Variants in CAPN13 observed in about 807,000 individuals in gnomAD.
The protein encoded by CAPN13 is calpain 13, also known as calpain-13.
CAPN13 carries 90 observed loss-of-function variants against 98.4 expected under a neutral mutation model. That is an observed-to-expected ratio of 0.92 (90% CI 0.77 to 1.09). CAPN13 has a LOEUF of 1.09. Among genes scored for constraint, CAPN13 ranks in the 50% least tolerant of loss-of-function variants. The pLI is 0.00. For missense variants in CAPN13, 887 were observed against 841.3 expected (o/e 1.05, Z -0.67); for synonymous variants, 330 against 305.5 (o/e 1.08, Z -0.84).
At chr2:30,745,876 T>C in intron 11 of CAPN13, 142 bp from the exon 12 acceptor site, 3 of 631,074 alleles carry the variant, frequency 4.8e-6, no homozygotes, top group Non-Finnish European at 8.0e-6. Context: ...TTATTTTATA[T>C]CTGTTATGCC....
rs1558351575 is a variant in CAPN13 at position 30,800,141 on chromosome 2, A to AAAGAAAGAAAGAAAGAAAGAAAGAAAGT, written c.-33+7160_-33+7161insACTTTCTTTCTTTCTTTCTTTCTTTCTT. Among the ~76,000 whole-genome samples the AAAGAAAGAAAGAAAGAAAGAAAGAAAGT allele has an allele frequency of 1.3e-4, 19 of 146,424 alleles. 1 individual carries two copies. Among genetic ancestry groups the AAAGAAAGAAAGAAAGAAAGAAAGAAAGT allele is most frequent in the African/African-American group, 5.1e-4 (19 of 37,622 alleles). ...AAAAGAAAGAAAGAAAGAAAGAAAG[A>AAAGAAAGAAAGAAAGAAAGAAAGAAAGT]AAGAAAGAAAGAAAGAAAGAAAGAA... On this transcript the variant is annotated intron_variant, in intron 1 of 22. Coordinates refer to ENST00000295055, the MANE Select transcript of CAPN13 (RefSeq NM_144575.3).
intron 1 of CAPN13, among the ~76,000 whole-genome samples, chr2:30,802,133 T>A (rs1224807636): frequency 6.6e-6 from 1 of 151,974 alleles, no homozygotes; most frequent in Non-Finnish European, 1.5e-5. Flanking sequence ...CAGAGGCGAG[T>A]AGGCTGAGCC....
chr2:30,752,021 G>C (rs533695519), intron 10 of CAPN13, among the ~76,000 whole-genome samples: 2 of 152,346 alleles, frequency 1.3e-5, no homozygotes, highest in Admixed American at 1.3e-4. Context: ...AGGGGAGAGG[G>C]CCTTGGCCCT....
Position 30,787,271 on chromosome 2 carries a change from G to A in CAPN13, c.55C>T (p.Gln19Ter), listed in dbSNP as rs1674340292. 7 of 1,613,432 alleles carry A rather than the reference G, an allele frequency of 4.3e-6. No individual in the cohort carries two copies. Among genetic ancestry groups the A allele is most frequent in the Non-Finnish European group, 5.1e-6 (6 of 1,179,744 alleles). Residue 19 changes from glutamine (Q) to a stop codon, truncating the protein, a stop_gained, in exon 2 of 23, where the codon CAG becomes TAG. Coordinates refer to ENST00000295055, the MANE Select transcript of CAPN13 (RefSeq NM_144575.3). LOFTEE classifies it high-confidence loss of function. ...TGATCCCGCAAGGTGGTAAAGTCCT[G>A]GTCTTTGAACTTGATGATGGAGGTC... ...VETSIIKFKDQDFTTLRDHCL... is the reference protein window; with the variant it reads ...VETSIIKFKD
At chr2:30,748,336 C>T (rs565169412) in intron 11 of CAPN13, among the ~76,000 whole-genome samples, 7 of 152,222 alleles carry the variant, frequency 4.6e-5, no homozygotes, top group African/African-American at 1.2e-4. Context: ...CAGGAATTCT[C>T]GTCTGAAAGC....
intron 10 of CAPN13, 125 bp from the exon 11 acceptor site, chr2:30,751,376 G>A (rs1672169241): frequency 1.0e-6 from 1 of 980,372 alleles, no homozygotes; most frequent in Admixed American, 2.7e-5. Context: ...CCTAAGGCCT[G>A]GATCCCAATC....
intron 3 of CAPN13, among the ~76,000 whole-genome samples, chr2:30,777,145 C>G (rs114429822): frequency 0.012 from 1,797 of 152,332 alleles, 28 homozygotes; most frequent in African/African-American, 0.04. Context: ...GGCAGCCCCT[C>G]CTGTTTCCCT....
intron 8 of CAPN13, 113 bp downstream of exon 8, chr2:30,757,933 C>G (rs1310487577): frequency 4.0e-6 from 3 of 751,378 alleles, no homozygotes; most frequent in Admixed American, 3.2e-5. Context: ...GTGAGCTGGA[C>G]AGGCCTGCAG....
intron 1 of CAPN13, among the ~76,000 whole-genome samples, chr2:30,795,314 C>T (rs983382717): frequency 1.3e-5 from 2 of 152,074 alleles, no homozygotes; most frequent in Non-Finnish European, 2.9e-5. Context: ...AGGAAACGCA[C>T]ATACTCAACG....
At chr2:30,779,404 T>C (rs1170841178) in intron 2 of CAPN13, among the ~76,000 whole-genome samples, 1 of 152,232 alleles carries the variant, frequency 6.6e-6, no homozygotes, top group Non-Finnish European at 1.5e-5. Context: ...CTAATGACGA[T>C]GCAATCAAGG....
At chr2:30,731,429 A>G (rs745464799) in intron 20 of CAPN13, 30 bp from the exon 21 acceptor site, 7 of 1,592,332 alleles carry the variant, frequency 4.4e-6, no homozygotes, top group Non-Finnish European at 6.0e-6. Context: ...GTTTTGACTG[A>G]CTGAGGAGGA....
At chr2:30,732,156 C>T (rs1558607116) in intron 20 of CAPN13, among the ~76,000 whole-genome samples, 1 of 152,174 alleles carries the variant, frequency 6.6e-6, no homozygotes, top group Non-Finnish European at 1.5e-5. Flanking sequence ...CAATGATAAA[C>T]ACAACCTGGA....
At chr2:30,795,884 A>G (rs188587746) in intron 1 of CAPN13, among the ~76,000 whole-genome samples, 17 of 152,150 alleles carry the variant, frequency 1.1e-4, no homozygotes, top group Non-Finnish European at 2.4e-4. Flanking sequence ...GAAAATTTGT[A>G]ATTAACACAT....
At chr2:30,731,804 C>T (rs1403765873) in intron 20 of CAPN13, among the ~76,000 whole-genome samples, 1 of 152,218 alleles carries the variant, frequency 6.6e-6, no homozygotes, top group Admixed American at 6.5e-5. Context: ...CTCTTTTACC[C>T]TCCCAGAGCC....
At chr2:30,771,325 G>A (rs925095878) in intron 4 of CAPN13, among the ~76,000 whole-genome samples, 2 of 152,188 alleles carry the variant, frequency 1.3e-5, no homozygotes, top group Non-Finnish European at 2.9e-5. Flanking sequence ...GGACTCCATG[G>A]AAAGCTGGGT....
intron 8 of CAPN13, among the ~76,000 whole-genome samples, chr2:30,757,712 C>T (rs746909972): frequency 1.3e-5 from 2 of 152,174 alleles, no homozygotes; most frequent in South Asian, 2.1e-4. Flanking sequence ...GCCTTGCCTC[C>T]CGCCACTTTT....
chr2:30,742,213 G>A (rs1454667907), intron 14 of CAPN13, 113 bp downstream of exon 14: 16 of 1,306,754 alleles, frequency 1.2e-5, no homozygotes, highest in Admixed American at 2.0e-5. Context: ...CTATCATGGT[G>A]TCTCTCTTTT....
rs1011000029 is a variant in CAPN13, at chr2:30,754,177, C to T, written c.941+113G>A. ...GTAGAGAAAATAGGCTCCCTCTAAA[C>T]AGGTCTCTGCAAAGCTATTTTCCAC... On this transcript the variant is annotated intron_variant, in intron 9 of 22. Coordinates refer to ENST00000295055, the MANE Select transcript of CAPN13 (RefSeq NM_144575.3). The T allele has an allele frequency of 2.5e-5, 19 of 771,672 alleles. No homozygotes were observed. The East Asian group carries it at 6.2e-4, about 25-fold the overall frequency. The allele number at this position is 771,672 out of a possible 1,614,324, so 47.8% of individuals were successfully genotyped here.
At chr2:30,736,724 T>G (rs1671386067) in intron 17 of CAPN13, 153 bp from the exon 18 acceptor site, 6 of 656,470 alleles carry the variant, frequency 9.1e-6, no homozygotes, top group Middle Eastern at 4.0e-4. Context: ...GCTCCCGCTG[T>G]GTCTGAAAGG....
Sources: gnomAD v4.1 joint callset for allele counts (sites outside exome capture counted in the v4.1 genomes callset) on GRCh38, gnomAD v4.1.1 for gene constraint, MANE v1.5 for transcripts, NCBI Gene and HGNC (gene_info 2026-07-23, HGNC 2026-07-21) for gene names.